ZNF638: variants seen among roughly 807,000 people sequenced by gnomAD.
ZNF638 encodes the protein zinc finger protein 638, also known as CTCL tumor antigen se33-1.
A neutral mutation model predicts 195.6 loss-of-function variants in ZNF638; 46 were observed. The observed-to-expected ratio is 0.24, with a 90% CI of 0.19 to 0.30. The LOEUF (loss-of-function observed/expected upper bound fraction) is 0.30. ZNF638 is among the 10% of genes least tolerant of loss of function. The pLI is 1.00. For synonymous variants in ZNF638, 845 were observed against 772.0 expected (o/e 1.09, Z -1.57); for missense variants, 2,440 against 2,325.3 (o/e 1.05, Z -1.01).
chr2:71,433,120 G>GATTAA (rs1180175633), intron 26 of ZNF638, 45 bp from the exon 27 acceptor site: 1 of 1,328,232 alleles, frequency 7.5e-7, no homozygotes, highest in East Asian at 2.3e-5. Context: ...CACAACTGGA[G>GATTAA]ATTAATTATT....
chr2:71,346,892 C>T (rs921968722), intron 1 of ZNF638, among the ~76,000 whole-genome samples: 1 of 152,032 alleles, frequency 6.6e-6, no homozygotes. Flanking sequence ...AGCATGGTGG[C>T]ACATGCCTGT....
rs765752424 is a variant in ZNF638 at position 71,399,691 on chromosome 2, T to C, written c.2587+46T>C. The C allele has an allele frequency of 3.4e-6, 5 of 1,491,058 alleles. No homozygotes were observed. In the East Asian group the frequency reaches 1.1e-4, roughly 34 times the overall value. The allele number at this position is 1,491,058 out of a possible 1,614,324, so 92.4% of individuals were successfully genotyped here. On this transcript the variant is annotated intron_variant, in intron 13 of 27. Coordinates refer to ENST00000264447, the MANE Select transcript of ZNF638 (RefSeq NM_014497.5). ...TTCAGTGCTTTGTTTTCTTTTCTTT[T>C]TTTTAACTTTTTAAGTTCAGGGGTA...
At chr2:71,357,905 A>AGCAG (rs2079050563) in intron 3 of ZNF638, among the ~76,000 whole-genome samples, 1 of 151,196 alleles carries the variant, frequency 6.6e-6, no homozygotes, top group Non-Finnish European at 1.5e-5. Flanking sequence ...CCCTGTGTCA[A>AGCAG]GTCTACTGGT....
At chr2:71,393,538 A>G (rs1420260117) in intron 10 of ZNF638, 3 of 718,008 alleles carry the variant, frequency 4.2e-6, no homozygotes, top group Admixed American at 4.0e-5. Context: ...AGCCCCGGAC[A>G]TTACCTGGGG....
intron 18 of ZNF638, 107 bp from the exon 19 acceptor site, chr2:71,406,021 G>A (rs2080098957): frequency 7.6e-7 from 1 of 1,322,424 alleles, no homozygotes; most frequent in Non-Finnish European, 1.0e-6. Context: ...CTTACTCTTG[G>A]GAGAGAACAT....
In ZNF638 at chr2:71,423,965, G is replaced by A; in HGVS notation, c.4451G>A (p.Arg1484Lys). ...GGCAAGCTTTCTAAACTGGATTACA[G>A]AGATATAACAAAACAATCTCAGGAA... is the stretch of plus-strand genomic sequence containing the variant. ...LQGKLSKLDYRDITKQSQETE... is the reference protein window; with the variant it reads ...LQGKLSKLDYKDITKQSQETE... The change falls in exon 22 of 28, where the codon AGA becomes AAA. Residue 1484 changes from arginine (R) to lysine (K), a missense_variant. Arg to Lys is a conservative substitution (Grantham distance 26). Coordinates refer to ENST00000264447, the MANE Select transcript of ZNF638 (RefSeq NM_014497.5). 1 of 1,614,092 alleles carries A rather than the reference G, an allele frequency of 6.2e-7. No homozygotes were observed.
chr2:71,380,424 A>G, intron 9 of ZNF638, 89 bp from the exon 10 acceptor site: 1 of 1,243,778 alleles, frequency 8.0e-7, no homozygotes, highest in Non-Finnish European at 1.1e-6. Context: ...ATTATTTTAA[A>G]CGTTTTTAGG....
chr2:71,367,459 AG>A (rs2079221396), intron 6 of ZNF638, among the ~76,000 whole-genome samples: 1 of 128,760 alleles, frequency 7.8e-6, no homozygotes, highest in African/African-American at 2.9e-5. Context: ...TTTGAATCAG[AG>A]TCTCGCTCTG....
intron 20 of ZNF638, among the ~76,000 whole-genome samples, chr2:71,411,120 T>G (rs939150809): frequency 2.0e-5 from 3 of 149,998 alleles, no homozygotes; most frequent in Admixed American, 6.7e-5. Flanking sequence ...GCCTCAGCCT[T>G]CCGAGTAGCT....
At chr2:71,371,913 T>A (rs1331437659) in intron 8 of ZNF638, among the ~76,000 whole-genome samples, 1 of 152,126 alleles carries the variant, frequency 6.6e-6, no homozygotes, top group Non-Finnish European at 1.5e-5. Flanking sequence ...CTTGAAGTGG[T>A]CCCATTTGTT....
At chr2:71,332,962 T>C (rs1424806560) in intron 1 of ZNF638, 1 of 152,348 alleles carries the variant, frequency 6.6e-6, no homozygotes, top group East Asian at 1.9e-4. Context: ...CAAAAAATTT[T>C]CTGCTTTTTC....
At chr2:71,398,192 A>T (rs2079934047) in intron 11 of ZNF638, among the ~76,000 whole-genome samples, 1 of 151,766 alleles carries the variant, frequency 6.6e-6, no homozygotes, top group African/African-American at 2.4e-5. Flanking sequence ...TAGATTTTGG[A>T]TTTTTTTTCA....
intron 1 of ZNF638, among the ~76,000 whole-genome samples, chr2:71,342,713 A>C (rs1021913260): frequency 6.6e-6 from 1 of 152,060 alleles, no homozygotes; most frequent in Non-Finnish European, 1.5e-5. Flanking sequence ...CAATTTGGTA[A>C]GGGAATTGGT....
intron 8 of ZNF638, chr2:71,379,489 C>T (rs1399480200): frequency 6.6e-6 from 1 of 152,184 alleles, no homozygotes; most frequent in African/African-American, 2.4e-5. Context: ...TTGACCGTCA[C>T]TGTATTGCAG....
chr2:71,368,425 T>C lies in ZNF638; in HGVS notation c.2039T>C (p.Ile680Thr), dbSNP rs1171293356. 1 of 1,613,504 alleles carries C rather than the reference T, an allele frequency of 6.2e-7. No individual in the cohort carries two copies. Residue 680 changes from isoleucine to threonine, a missense_variant, in exon 7 of 28, where the codon ATA (isoleucine) becomes ACA (threonine). Around this residue, in one of 5 missense-constraint regions of ZNF638, gnomAD observed 1,883 missense variants for 1,739.1 expected, o/e 1.08. Coordinates refer to ENST00000264447, the MANE Select transcript of ZNF638 (RefSeq NM_014497.5). ...TTGCATTATGGTTCGGTTCTTCTTA[T>C]AACTGAATTACCAGAGGATGGTTGT... ...QSLHYGSVLL[I>T]TELPEDGCTE...
In ZNF638 at chr2:71,428,587, G is replaced by T; in HGVS notation, c.5586G>T (p.Leu1862=). 6.2e-7 allele frequency: 1 copy of T among 1,614,034 alleles called. No individual in the cohort carries two copies. The highest frequency in any genetic ancestry group is 1.1e-5 in the South Asian group (1 of 91,070). ...AGAGAGTTAGAATTGGGAAAACTCT[G>T]CCATCAGAAAAAGCTGTTGTGACAG... ...PTKRVRIGKT[L]PSEKAVVTEP... The change falls in exon 25 of 28, where the codon CTG becomes CTT. Residue 1862 remains leucine, a synonymous_variant. Coordinates refer to ENST00000264447, the MANE Select transcript of ZNF638 (RefSeq NM_014497.5).
At chr2:71,428,777 C>G (rs2080593003) in intron 25 of ZNF638, 126 bp downstream of exon 25, 1 of 690,706 alleles carries the variant, frequency 1.4e-6, no homozygotes, top group Non-Finnish European at 2.4e-6. Context: ...GAAAAGTCAA[C>G]TATAGTTATT....
At chr2:71,428,915 TTTA>T in intron 25 of ZNF638, 1 of 281,676 alleles carries the variant, frequency 3.6e-6, no homozygotes, top group Non-Finnish European at 6.7e-6. Context: ...ATAGAAATTA[TTTA>T]TTAACTAGCT....
At position 71,354,795 on chromosome 2, in the gene ZNF638, T is replaced by C. The variant is rs946642443; in HGVS notation, c.1318-924T>C. Among the ~76,000 whole-genome samples the C allele has an allele frequency of 2.6e-5, 4 of 151,604 alleles. No homozygotes were observed. In the East Asian group the frequency reaches 7.7e-4, roughly 29 times the overall value. ...TTTCGTTAATTGTAAAGCTCAAAGCTCTATATGTAAGGGATATTGTATCTT... is the reference window on the plus strand; with the variant it reads ...TTTCGTTAATTGTAAAGCTCAAAGCCCTATATGTAAGGGATATTGTATCTT... On this transcript the variant is annotated intron_variant, in intron 2 of 27. Coordinates refer to ENST00000264447, the MANE Select transcript of ZNF638 (RefSeq NM_014497.5).
Sources: gnomAD v4.1 joint callset for allele counts (sites outside exome capture counted in the v4.1 genomes callset) on GRCh38, gnomAD v4.1.1 for gene constraint, gnomAD v4.1.1 regional missense constraint, MANE v1.5 for transcripts, NCBI Gene and HGNC (gene_info 2026-07-23, HGNC 2026-07-21) for gene names.